Variants in GRIP1 observed in about 807,000 individuals in gnomAD.
GRIP1 encodes the protein glutamate receptor-interacting protein 1.
GRIP1 carries 45 observed loss-of-function variants against 129.9 expected under a neutral mutation model. The ratio of observed to expected loss-of-function variants is 0.35; its 90% CI spans 0.27 to 0.44. GRIP1 has a LOEUF of 0.44. GRIP1 is among the 20% of genes least tolerant of loss of function. The pLI, the probability that GRIP1 is intolerant of heterozygous loss-of-function variation, is 1.00. For missense variants in GRIP1, 1,196 were observed against 1,396.8 expected, an observed-to-expected ratio of 0.86 and a Z score of 2.29; for synonymous variants, 530 against 520.8, an observed-to-expected ratio of 1.02 and a Z score of -0.24.
At chr12:66,432,796 T>G (rs2058189268) in intron 13 of GRIP1, among the ~76,000 whole-genome samples, 168 bp from the exon 14 acceptor site, 1 of 152,192 alleles carries the variant, frequency 6.6e-6, no homozygotes, top group East Asian at 1.9e-4. Context: ...CTCCTGGTGA[T>G]GAATACACTT....
chr12:66,451,383 GTTTTTTTTTTTT>G (rs1169331519), intron 11 of GRIP1, among the ~76,000 whole-genome samples: 995 of 42,566 alleles, frequency 0.023, 74 homozygotes, highest in Middle Eastern at 0.051. Context: ...ATTATAATCT[GTTTTTTTTTTTT>G]TTTTTTTTTT....
intron 1 of GRIP1, among the ~76,000 whole-genome samples, chr12:66,842,693 T>A (rs2039742756): frequency 6.6e-6 from 1 of 152,216 alleles, no homozygotes; most frequent in Non-Finnish European, 1.5e-5. Flanking sequence ...TCTCTGATAC[T>A]GTAAGAAATA....
At position 66,769,513 on chromosome 12, in the gene GRIP1, C is replaced by A. The variant is rs551996453; in HGVS notation, c.-420+34540G>T. ...CATGAGAAGTGAGAAACAGCGAATT[C>A]CCTGTGGTGAGGAATCTTCACTGCA... On this transcript the variant is annotated intron_variant, in intron 1 of 4. Transcript: ENST00000538373. Among the ~76,000 whole-genome samples, 13 of 152,190 alleles carry A rather than the reference C, an allele frequency of 8.5e-5. No individual in the cohort carries two copies. The South Asian group carries it at 2.7e-3, about 32-fold the overall frequency.
chr12:66,496,994 G>A (rs566475477), intron 7 of GRIP1, among the ~76,000 whole-genome samples: 1 of 152,278 alleles, frequency 6.6e-6, no homozygotes, highest in African/African-American at 2.4e-5. Context: ...TACTACCTTT[G>A]GAGTTCTTCA....
At chr12:66,926,339 G>T (rs1373558076) in intron 1 of GRIP1, among the ~76,000 whole-genome samples, 1 of 152,164 alleles carries the variant, frequency 6.6e-6, no homozygotes, top group Non-Finnish European at 1.5e-5. Flanking sequence ...ATAAAGGCCT[G>T]TTCAGGACTT....
rs2043273194 is a variant in GRIP1, at chr12:67,047,528, AT to A, written c.58+21521del. ...TGTTATGCAAATCTTTTAAAAAATC[AT>A]TTGGGGAAGAGATTTTGTCTGTTTT... On this transcript the variant is annotated intron_variant, in intron 1 of 1. Transcript: ENST00000643019. Among the ~76,000 whole-genome samples the A allele has an allele frequency of 3.9e-5, 6 of 152,148 alleles. 2 individuals carry two copies. The South Asian group carries it at 1.2e-3, about 31-fold the overall frequency.
At chr12:67,026,235 TAAA>T (rs1688585631) in intron 1 of GRIP1, among the ~76,000 whole-genome samples, 1 of 152,210 alleles carries the variant, frequency 6.6e-6, no homozygotes, top group African/African-American at 2.4e-5. Context: ...TTGAAAAACA[TAAA>T]GAAGAAAACA....
intron 19 of GRIP1, among the ~76,000 whole-genome samples, chr12:66,380,965 C>T (rs1023469140): frequency 1.3e-5 from 2 of 152,150 alleles, no homozygotes; most frequent in African/African-American, 2.4e-5. Flanking sequence ...GGCCTGATTG[C>T]GTAAGATGAT....
intron 1 of GRIP1, among the ~76,000 whole-genome samples, chr12:66,991,477 TC>T (rs2042393726): frequency 6.6e-6 from 1 of 151,938 alleles, no homozygotes; most frequent in Non-Finnish European, 1.5e-5. Context: ...TAAGGAAAAA[TC>T]AAGTAGTTAT....
chr12:66,867,431 ATAATT>A (rs2040225732), intron 1 of GRIP1, among the ~76,000 whole-genome samples: 1 of 152,136 alleles, frequency 6.6e-6, no homozygotes, highest in South Asian at 2.1e-4. Flanking sequence ...TTAAAAATCT[ATAATT>A]TAAGCTTCTA....
chr12:66,396,726 C>G (rs1394282675), intron 16 of GRIP1, among the ~76,000 whole-genome samples: 1 of 152,122 alleles, frequency 6.6e-6, no homozygotes, highest in Non-Finnish European at 1.5e-5. Context: ...GGGGTGGAAA[C>G]AGGATGACAT....
intron 1 of GRIP1, among the ~76,000 whole-genome samples, chr12:66,970,600 C>A (rs2042060874): frequency 8.0e-6 from 1 of 125,114 alleles, no homozygotes; most frequent in Non-Finnish European, 1.7e-5. Context: ...GACCCCCTCT[C>A]CTTGGCCAGC....
At chr12:66,800,869 T>C (rs1310268650) in intron 1 of GRIP1, among the ~76,000 whole-genome samples, 1 of 152,024 alleles carries the variant, frequency 6.6e-6, no homozygotes, top group Non-Finnish European at 1.5e-5. Context: ...TACGATTAAA[T>C]AAAAAATGCA....
chr12:66,524,556 A>C (rs1478716804), intron 5 of GRIP1, among the ~76,000 whole-genome samples: 1 of 152,026 alleles, frequency 6.6e-6, no homozygotes, highest in Non-Finnish European at 1.5e-5. Flanking sequence ...TATAGCACTA[A>C]ATGCCCACAA....
chr12:67,031,401 A>G (rs1204851177), intron 1 of GRIP1, among the ~76,000 whole-genome samples: 1 of 152,304 alleles, frequency 6.6e-6, no homozygotes, highest in East Asian at 1.9e-4. Context: ...ACCCGAAGAC[A>G]GTCACACCTA....
intron 2 of GRIP1, among the ~76,000 whole-genome samples, chr12:66,560,710 T>A (rs994893433): frequency 6.6e-6 from 1 of 152,122 alleles, no homozygotes; most frequent in Non-Finnish European, 1.5e-5. Context: ...TCTTGTACAC[T>A]GTTGGTGGGA....
intron 1 of GRIP1, among the ~76,000 whole-genome samples, chr12:67,045,232 TAGTC>T (rs754423521): frequency 6.6e-6 from 1 of 152,116 alleles, no homozygotes; most frequent in Non-Finnish European, 1.5e-5. Flanking sequence ...ATGAAGTAAT[TAGTC>T]AGCAAAATCC....
chr12:66,706,166 G>A (rs1426737341), intron 1 of GRIP1, among the ~76,000 whole-genome samples: 1 of 152,088 alleles, frequency 6.6e-6, no homozygotes, highest in Non-Finnish European at 1.5e-5. Flanking sequence ...TCTGACAAAG[G>A]TCTAATATCT....
intron 1 of GRIP1, among the ~76,000 whole-genome samples, chr12:66,624,825 T>C (rs959863836): frequency 6.6e-6 from 1 of 152,184 alleles, no homozygotes; most frequent in African/African-American, 2.4e-5. Flanking sequence ...ACGAGCAACA[T>C]TTCCAATTTA....
Sources: allele counts gnomAD v4.1 joint callset (sites outside exome capture counted in the v4.1 genomes callset), GRCh38; gene constraint gnomAD v4.1.1; transcripts MANE v1.5; gene names NCBI Gene and HGNC (gene_info 2026-07-23, HGNC 2026-07-21).